MYO16: variants seen among roughly 807,000 people sequenced by gnomAD.
MYO16 encodes the protein unconventional myosin-XVI.
In MYO16, 94 loss-of-function variants were observed where a neutral mutation model predicts 205.3. That is an observed-to-expected ratio of 0.46 (90% CI 0.39 to 0.54). The LOEUF (loss-of-function observed/expected upper bound fraction) is 0.54. Among genes scored for constraint, MYO16 ranks in the 20% least tolerant of loss-of-function variants. The pLI is 0.00. For missense variants in MYO16, 2,315 were observed against 2,387.5 expected (o/e 0.97, Z 0.63); for synonymous variants, 988 against 954.0 (o/e 1.04, Z -0.66).
chr13:109,135,322 G>T (rs1246784577), intron 31 of MYO16, among the ~76,000 whole-genome samples: 1 of 152,224 alleles, frequency 6.6e-6, no homozygotes. Flanking sequence ...ATGCCTTCAT[G>T]AGGATTTAGT....
Position 108,864,745 on chromosome 13 carries a change from A to G in MYO16, c.1360-1432A>G, listed in dbSNP as rs375548663. Among the ~76,000 whole-genome samples the G allele has an allele frequency of 5.9e-5, 9 of 151,994 alleles. No homozygotes were observed. In the South Asian group the frequency reaches 8.3e-4, roughly 14 times the overall value. On this transcript the variant is annotated intron_variant, in intron 11 of 34. Transcript: ENST00000457511. ...GCATCTCACCATGTTACCCAGGCTAATCTTGAACTCCAGGGCTCAAACAAT... is the reference window on the plus strand; with the variant it reads ...GCATCTCACCATGTTACCCAGGCTAGTCTTGAACTCCAGGGCTCAAACAAT...
At chr13:108,834,242 CTT>C (rs1876777872) in intron 9 of MYO16, among the ~76,000 whole-genome samples, 1 of 152,080 alleles carries the variant, frequency 6.6e-6, no homozygotes, top group African/African-American at 2.4e-5. Context: ...TTAGGAGGGA[CTT>C]TCATCAAGGT....
At chr13:108,705,714 A>C (rs904218094) in intron 2 of MYO16, among the ~76,000 whole-genome samples, 1 of 152,160 alleles carries the variant, frequency 6.6e-6, no homozygotes, top group African/African-American at 2.4e-5. Flanking sequence ...ATTAGAATCA[A>C]ACTTAAAATG....
At chr13:109,189,903 C>A (rs1439570022) in intron 34 of MYO16, among the ~76,000 whole-genome samples, 1 of 148,434 alleles carries the variant, frequency 6.7e-6, no homozygotes, top group African/African-American at 2.5e-5. Flanking sequence ...GATTCCCTAC[C>A]ACGATTTGTG....
At chr13:108,920,996 G>C (rs1881723748) in intron 16 of MYO16, among the ~76,000 whole-genome samples, 1 of 152,120 alleles carries the variant, frequency 6.6e-6, no homozygotes, top group African/African-American at 2.4e-5. Context: ...CCATTTGAGA[G>C]GGACACCTGC....
intron 9 of MYO16, among the ~76,000 whole-genome samples, chr13:108,834,021 A>C (rs995336618): frequency 6.6e-6 from 1 of 152,190 alleles, no homozygotes; most frequent in Non-Finnish European, 1.5e-5. Context: ...TTGTTGAATA[A>C]AATTTGGAAA....
intron 7 of MYO16, among the ~76,000 whole-genome samples, chr13:108,814,378 C>G (rs1162776748): frequency 1.3e-5 from 2 of 152,036 alleles, no homozygotes; most frequent in African/African-American, 4.8e-5. Context: ...CTTCCTTCCT[C>G]CTGCCTTAAT....
At chr13:108,891,784 G>A (rs901447901) in intron 14 of MYO16, among the ~76,000 whole-genome samples, 2 of 152,060 alleles carry the variant, frequency 1.3e-5, no homozygotes, top group Non-Finnish European at 2.9e-5. Flanking sequence ...CACTTATATC[G>A]TTTCCTAAAT....
At chr13:108,568,742 T>G in the MYO16 span, among the ~76,000 whole-genome samples, 1 of 152,076 alleles carries the variant, frequency 6.6e-6, no homozygotes, top group Non-Finnish European at 1.5e-5. Context: ...CTTGTTCTTT[T>G]GATGTCATAT....
the MYO16 span, among the ~76,000 whole-genome samples, chr13:108,565,894 C>T: frequency 5.9e-5 from 9 of 151,844 alleles, no homozygotes; most frequent in Non-Finnish European, 1.0e-4. Context: ...CATGAAGGGA[C>T]GTGGAACTTT....
chr13:108,675,446 T>G (rs1037263167), intron 2 of MYO16, among the ~76,000 whole-genome samples: 1 of 152,212 alleles, frequency 6.6e-6, no homozygotes, highest in Non-Finnish European at 1.5e-5. Flanking sequence ...GGATCCTGTA[T>G]GAAGTGAATG....
At chr13:108,723,081 T>C (rs762244150) in intron 3 of MYO16, among the ~76,000 whole-genome samples, 6 of 152,162 alleles carry the variant, frequency 3.9e-5, no homozygotes, top group Non-Finnish European at 8.8e-5. Context: ...CTTGAGACGA[T>C]CTGATAATAG....
In MYO16 at chr13:109,052,347, C is replaced by A; in HGVS notation, c.2920C>A (p.Gln974Lys). Reference sequence around the variant, plus strand: ...TCATTTGTTCCAGTCGAAATTGTCACAAACAGGATCCCTCGTATCTGCCTA... The same window carrying A: ...TCATTTGTTCCAGTCGAAATTGTCAAAAACAGGATCCCTCGTATCTGCCTA... ...INHLFQSKLSQTGSLVSAYPS... is the reference protein window; with the variant it reads ...INHLFQSKLSKTGSLVSAYPS... The change falls in exon 25 of 35, where the codon CAA becomes AAA. Residue 974 changes from glutamine to lysine, a missense_variant. By Grantham distance (53) the Gln-to-Lys change is moderately conservative. Transcript: ENST00000457511. 5.0e-6 allele frequency: 8 copies of A among 1,613,278 alleles called. No individual in the cohort carries two copies. The highest frequency in any genetic ancestry group is 6.8e-6 in the Non-Finnish European group (8 of 1,179,362).
At chr13:108,732,654 A>G (rs566704376) in intron 4 of MYO16, among the ~76,000 whole-genome samples, 10 of 152,328 alleles carry the variant, frequency 6.6e-5, no homozygotes, top group Non-Finnish European at 1.5e-4. Context: ...TCTGCTTTCA[A>G]CTAGGTGATT....
chr13:108,665,406 T>C (rs1229840504), intron 1 of MYO16, among the ~76,000 whole-genome samples: 2 of 152,156 alleles, frequency 1.3e-5, no homozygotes, highest in South Asian at 2.1e-4. Context: ...GCCATTATAC[T>C]TGGCAGCATA....
At chr13:108,812,943 C>G (rs1306268758) in intron 7 of MYO16, among the ~76,000 whole-genome samples, 1 of 152,162 alleles carries the variant, frequency 6.6e-6, no homozygotes, top group African/African-American at 2.4e-5. Flanking sequence ...GACTTCCTAA[C>G]CTCCAGAACT....
At chr13:108,634,311 T>G (rs1880125420) in intron 1 of MYO16, among the ~76,000 whole-genome samples, 1 of 152,188 alleles carries the variant, frequency 6.6e-6, no homozygotes. Context: ...ACTTCTCACC[T>G]GCAGTCCTGA....
chr13:108,965,039 A>G (rs1264802601), intron 20 of MYO16, 137 bp downstream of exon 20: 3 of 939,940 alleles, frequency 3.2e-6, no homozygotes, highest in Non-Finnish European at 4.6e-6. Context: ...TAACAAGGTA[A>G]TCTGACTTGA....
chr13:108,567,517 A>G, the MYO16 span, among the ~76,000 whole-genome samples: 1 of 152,168 alleles, frequency 6.6e-6, no homozygotes, highest in Non-Finnish European at 1.5e-5. Flanking sequence ...TCAAAGATAC[A>G]TTGCGATTAC....
Sources: gnomAD v4.1 joint callset for allele counts (sites outside exome capture counted in the v4.1 genomes callset) on GRCh38, gnomAD v4.1.1 for gene constraint, MANE v1.5 for transcripts, NCBI Gene and HGNC (gene_info 2026-07-23, HGNC 2026-07-21) for gene names.